Variants in CAMK1D observed in about 807,000 individuals in gnomAD.
CAMK1D encodes calcium/calmodulin dependent protein kinase ID.
A neutral mutation model predicts 47.7 loss-of-function variants in CAMK1D; 9 were observed. The ratio of observed to expected loss-of-function variants is 0.19; its 90% CI spans 0.11 to 0.33. CAMK1D has a LOEUF of 0.33. Among genes scored for constraint, CAMK1D ranks in the 10% least tolerant of loss-of-function variants. CAMK1D has a pLI of 1.00. For missense variants in CAMK1D, 291 were observed against 488.7 expected (o/e 0.60, Z 3.81); for synonymous variants, 184 against 184.9 (o/e 0.99, Z 0.04).
At chr10:12,623,281 C>G (rs1588701402) in intron 2 of CAMK1D, among the ~76,000 whole-genome samples, 1 of 15,440 alleles carries the variant, frequency 6.5e-5, no homozygotes. Flanking sequence ...CCCTCCCTTC[C>G]TTCCTCCCTC....
rs570654724 is a variant in CAMK1D at position 12,792,926 on chromosome 10, G to C, written c.641+1693G>C. 2.0e-5 allele frequency among the ~76,000 whole-genome samples: 3 copies of C among 150,806 alleles called. No homozygotes were observed. The Admixed American group carries it at 2.0e-4, about 10-fold the overall frequency. On this transcript the variant is annotated intron_variant, in intron 6 of 10. Transcript: ENST00000619168. Reference sequence around the variant, plus strand: ...TTTTGAGAATCTAATGAAGGTCATGGATCCTATCCCCTAATAAAATCACAT... The same window carrying C: ...TTTTGAGAATCTAATGAAGGTCATGCATCCTATCCCCTAATAAAATCACAT...
intron 3 of CAMK1D, among the ~76,000 whole-genome samples, chr10:12,723,179 T>C (rs1260758413): frequency 6.6e-6 from 1 of 152,130 alleles, no homozygotes; most frequent in Non-Finnish European, 1.5e-5. Context: ...ACTTAATTAA[T>C]TGAGAATTTA....
At chr10:12,601,188 TG>T (rs55809717) in intron 2 of CAMK1D, among the ~76,000 whole-genome samples, 46,096 of 91,038 alleles carry the variant, frequency 0.51, 9,137 homozygotes, top group Non-Finnish European at 0.62. Context: ...TTTTTTTGTT[TG>T]TTTGTTTTTT....
At position 12,722,446 on chromosome 10, in the gene CAMK1D, CAAAAAAAAAAAAAAA is replaced by C. The variant is rs55809900; in HGVS notation, c.300-38487_300-38473del. Among the ~76,000 whole-genome samples the C allele has an allele frequency of 1.6e-4, 8 of 48,596 alleles. 1 individual carries two copies. Among genetic ancestry groups the C allele is most frequent in the South Asian group, 2.8e-3 (2 of 710 alleles). The allele number at this position is 48,596 out of a possible 152,430, so 31.9% of individuals were successfully genotyped here. On this transcript the variant is annotated intron_variant, in intron 3 of 10. Coordinates refer to ENST00000619168, the MANE Select transcript of CAMK1D (RefSeq NM_153498.4). ...TGGGCAACAAAGTGAGACTCCGCCT[CAAAAAAAAAAAAAAA>C]AAAAAAAAAAAAAAGATAACTCCAA...
At chr10:12,744,795 C>T (rs1370525262) in intron 3 of CAMK1D, among the ~76,000 whole-genome samples, 4 of 151,560 alleles carry the variant, frequency 2.6e-5, no homozygotes, top group Non-Finnish European at 5.9e-5. Flanking sequence ...CAGCTACTCA[C>T]GAGGATAAGG....
chr10:12,777,033 T>A (rs888225991), intron 5 of CAMK1D, among the ~76,000 whole-genome samples: 1 of 152,166 alleles, frequency 6.6e-6, no homozygotes, highest in Non-Finnish European at 1.5e-5. Context: ...TAGGCAAATT[T>A]GCAGATAGAG....
intron 2 of CAMK1D, among the ~76,000 whole-genome samples, chr10:12,611,631 T>A (rs12244432): frequency 0.061 from 7,781 of 126,872 alleles, 551 homozygotes; most frequent in African/African-American, 0.17. Context: ...TTACTCTGTC[T>A]CCCAGGCTGG....
At chr10:12,713,404 T>C (rs958960469) in intron 3 of CAMK1D, among the ~76,000 whole-genome samples, 5 of 152,180 alleles carry the variant, frequency 3.3e-5, no homozygotes, top group African/African-American at 1.2e-4. Context: ...AGTGCAGCAT[T>C]GGGTTAACTT....
At chr10:12,804,321 A>C (rs148949198) in intron 6 of CAMK1D, among the ~76,000 whole-genome samples, 175 of 152,314 alleles carry the variant, frequency 1.1e-3, no homozygotes, top group Non-Finnish European at 1.9e-3. Flanking sequence ...ATATTCATTA[A>C]ATAGTATCGA....
At chr10:12,674,599 C>CTTTTTTTTTTTT (rs11391139) in intron 3 of CAMK1D, among the ~76,000 whole-genome samples, 4,154 of 62,998 alleles carry the variant, frequency 0.066, 695 homozygotes, top group South Asian at 0.094. Flanking sequence ...TGGAAAAATG[C>CTTTTTTTTTTTT]TTTTTTTTTT....
intron 6 of CAMK1D, among the ~76,000 whole-genome samples, chr10:12,797,790 A>G (rs1313528097): frequency 1.3e-5 from 2 of 152,112 alleles, no homozygotes; most frequent in Non-Finnish European, 2.9e-5. Context: ...CTGCAGCTTT[A>G]GTTGCAGGCA....
At chr10:12,387,438 ATATATTT>A (rs1317764705) in intron 1 of CAMK1D, among the ~76,000 whole-genome samples, 18 of 51,416 alleles carry the variant, frequency 3.5e-4, no homozygotes, top group East Asian at 9.3e-4. Context: ...TATATATTAT[ATATATTT>A]TATATATATA....
chr10:12,520,408 G>A lies in CAMK1D; in HGVS notation c.93-32817G>A, dbSNP rs1482839657. ...GAGACGCTCCTCACTTCTTAGATGG[G>A]ATGGCGGCTGGGCAGAGACGCTCCT... On this transcript the variant is annotated intron_variant, in intron 1 of 10. Coordinates refer to ENST00000619168, the MANE Select transcript of CAMK1D (RefSeq NM_153498.4). Among the ~76,000 whole-genome samples, 6 of 90,220 alleles carry A rather than the reference G, an allele frequency of 6.7e-5. 2 individuals are homozygous for A. Among genetic ancestry groups the A allele is most frequent in the Admixed American group, 6.5e-4 (6 of 9,270 alleles). 59.2% of individuals were successfully genotyped at this position (90,220 alleles called of 152,430 possible). A position where few individuals can be genotyped will look rare whatever the true frequency, so the allele number is the denominator to read the frequency against.
intron 3 of CAMK1D, among the ~76,000 whole-genome samples, chr10:12,731,895 A>G (rs956939809): frequency 1.3e-5 from 2 of 152,144 alleles, no homozygotes; most frequent in African/African-American, 4.8e-5. Flanking sequence ...GGGCATGACC[A>G]CAAACCCGAA....
intron 4 of CAMK1D, among the ~76,000 whole-genome samples, chr10:12,767,155 A>C (rs1315659040): frequency 4.6e-5 from 7 of 152,194 alleles, no homozygotes; most frequent in Non-Finnish European, 1.5e-5. Context: ...TACCTGAGAC[A>C]GGTCTCAGTC....
intron 1 of CAMK1D, among the ~76,000 whole-genome samples, chr10:12,529,131 C>T (rs980377570): frequency 2.0e-5 from 3 of 152,160 alleles, no homozygotes; most frequent in African/African-American, 7.2e-5. Flanking sequence ...AGCCACTGTG[C>T]TTGCTCTCTC....
chr10:12,751,744 A>C (rs921726303), intron 3 of CAMK1D, among the ~76,000 whole-genome samples: 2 of 152,142 alleles, frequency 1.3e-5, no homozygotes, highest in Non-Finnish European at 2.9e-5. Context: ...AGAAAGACAA[A>C]AATGTGTGAG....
intron 1 of CAMK1D, among the ~76,000 whole-genome samples, chr10:12,516,269 T>C (rs938732863): frequency 1.3e-5 from 2 of 152,108 alleles, no homozygotes; most frequent in African/African-American, 4.8e-5. Context: ...GCACCACGCC[T>C]GGCTAATTTT....
chr10:12,394,543 GT>G (rs1383745693), intron 1 of CAMK1D, among the ~76,000 whole-genome samples: 2 of 152,132 alleles, frequency 1.3e-5, no homozygotes, highest in African/African-American at 4.8e-5. Context: ...AACAAGAGAT[GT>G]TCCTTTCACC....
Sources: allele counts gnomAD v4.1 joint callset (sites outside exome capture counted in the v4.1 genomes callset), GRCh38; gene constraint gnomAD v4.1.1; transcripts MANE v1.5; gene names NCBI Gene and HGNC (gene_info 2026-07-23, HGNC 2026-07-21).